The following GPC5 variants were observed in gnomAD, a reference collection of about 807,000 sequenced individuals.
GPC5 encodes glypican 5, also known as glypican-5.
In GPC5, 47 loss-of-function variants were observed where a neutral mutation model predicts 53.9. That is an observed-to-expected ratio of 0.87 (90% CI 0.69 to 1.11). GPC5 has a LOEUF of 1.11. Ranked by LOEUF, GPC5 falls within the 50% of genes most tolerant of loss-of-function variation. The pLI is 0.00. For synonymous variants in GPC5, 286 were observed against 263.3 expected, an observed-to-expected ratio of 1.09 and a Z score of -0.84; for missense variants, 748 against 713.1, an observed-to-expected ratio of 1.05 and a Z score of -0.56.
intron 7 of GPC5, among the ~76,000 whole-genome samples, chr13:92,553,012 T>C (rs1454656441): frequency 6.6e-6 from 1 of 151,938 alleles, no homozygotes; most frequent in Non-Finnish European, 1.5e-5. Flanking sequence ...AATAGATACT[T>C]CCAGTCTATT....
chr13:92,319,140 G>A (rs574086507), intron 7 of GPC5, among the ~76,000 whole-genome samples: 43 of 152,150 alleles, frequency 2.8e-4, no homozygotes, highest in African/African-American at 9.9e-4. Flanking sequence ...TAAACATCCA[G>A]GTTGCTTTGA....
At chr13:92,161,989 A>ATATATATATATG (rs1566463109) in intron 7 of GPC5, among the ~76,000 whole-genome samples, 2 of 121,588 alleles carry the variant, frequency 1.6e-5, no homozygotes, top group Non-Finnish European at 3.4e-5. Context: ...ATATATATAT[A>ATATATATATATG]TATATATGAA....
At chr13:92,615,907 A>T (rs1884670844) in intron 7 of GPC5, among the ~76,000 whole-genome samples, 1 of 152,154 alleles carries the variant, frequency 6.6e-6, no homozygotes. Flanking sequence ...CAAAAAAATT[A>T]GCCGGGCATA....
rs774963542 is a variant in GPC5 at position 92,286,301 on chromosome 13, G to A, written c.1561+141312G>A. On this transcript the variant is annotated intron_variant, in intron 7 of 7. Transcript: ENST00000377067. Reference sequence around the variant, plus strand: ...ACACTGTTGGTGGGATTGTAAACTAGTTCAACCATTGTGGAAGACAGTGTG... The same window carrying A: ...ACACTGTTGGTGGGATTGTAAACTAATTCAACCATTGTGGAAGACAGTGTG... 2.6e-5 allele frequency among the ~76,000 whole-genome samples: 4 copies of A among 152,180 alleles called. No individual in the cohort carries two copies. The East Asian group carries it at 7.7e-4, about 29-fold the overall frequency.
intron 6 of GPC5, among the ~76,000 whole-genome samples, chr13:91,985,370 A>ATT (rs60884117): frequency 0.45 from 63,760 of 142,548 alleles, 16,021 homozygotes; most frequent in East Asian, 0.74. Flanking sequence ...TAAAATCAGC[A>ATT]TTTTTTTTTT....
chr13:92,236,413 C>G (rs1227016976), intron 7 of GPC5, among the ~76,000 whole-genome samples: 1 of 151,832 alleles, frequency 6.6e-6, no homozygotes, highest in Admixed American at 6.6e-5. Context: ...AATTTTTATA[C>G]CTTCTGTTTA....
intron 2 of GPC5, among the ~76,000 whole-genome samples, chr13:91,569,518 A>G (rs2031687987): frequency 6.6e-6 from 1 of 152,102 alleles, no homozygotes; most frequent in Non-Finnish European, 1.5e-5. Context: ...CCCTAGCCTC[A>G]ACAATTTTGC....
intron 5 of GPC5, among the ~76,000 whole-genome samples, chr13:91,817,860 T>C (rs1458707725): frequency 1.3e-5 from 2 of 152,188 alleles, no homozygotes; most frequent in East Asian, 3.9e-4. Flanking sequence ...CATTTCTTTG[T>C]GATTAGCTTT....
chr13:91,524,733 C>T (rs80107027), intron 2 of GPC5, among the ~76,000 whole-genome samples: 1 of 152,154 alleles, frequency 6.6e-6, no homozygotes, highest in Non-Finnish European at 1.5e-5. Flanking sequence ...CTGAGGGCCA[C>T]TCTCAGGTTA....
At chr13:92,159,593 C>CTT (rs71120074) in intron 7 of GPC5, among the ~76,000 whole-genome samples, 1,963 of 57,160 alleles carry the variant, frequency 0.034, 494 homozygotes, top group South Asian at 0.038. Context: ...TACCAATGTT[C>CTT]TTTTTTTTTT....
intron 7 of GPC5, among the ~76,000 whole-genome samples, chr13:92,196,688 T>C (rs750327635): frequency 4.2e-4 from 64 of 152,208 alleles, no homozygotes; most frequent in Non-Finnish European, 7.3e-4. Flanking sequence ...GTTTTCTGCT[T>C]TCTAACATGC....
At chr13:91,464,500 A>G (rs1361469422) in intron 2 of GPC5, among the ~76,000 whole-genome samples, 2 of 152,192 alleles carry the variant, frequency 1.3e-5, no homozygotes, top group Non-Finnish European at 2.9e-5. Flanking sequence ...GGATAAACAA[A>G]TTGTGTTATG....
At chr13:92,734,567 A>T (rs1189919862) in intron 7 of GPC5, among the ~76,000 whole-genome samples, 1 of 151,954 alleles carries the variant, frequency 6.6e-6, no homozygotes, top group African/African-American at 2.4e-5. Flanking sequence ...TTTTATTTGC[A>T]GAAGTATATT....
chr13:92,642,440 G>A (rs1037023527), intron 7 of GPC5, among the ~76,000 whole-genome samples: 3 of 152,098 alleles, frequency 2.0e-5, no homozygotes, highest in Admixed American at 6.5e-5. Context: ...GTGTTCCCTC[G>A]ACTCTTCTTC....
At chr13:91,482,878 T>C (rs77284999) in intron 2 of GPC5, among the ~76,000 whole-genome samples, 25 of 150,522 alleles carry the variant, frequency 1.7e-4, no homozygotes, top group Non-Finnish European at 3.5e-4. Flanking sequence ...TTTTTTTTTT[T>C]GCCATATCCA....
intron 7 of GPC5, among the ~76,000 whole-genome samples, chr13:92,473,281 T>C (rs1489176374): frequency 2.0e-5 from 3 of 152,100 alleles, no homozygotes; most frequent in Non-Finnish European, 4.4e-5. Context: ...ATACAGACTT[T>C]GAGTTTTGTG....
rs1051210676 is a variant in GPC5, at chr13:92,691,923, C to T, written c.1562-174359C>T. ...AGTGGGTACATATACAGGTTTTTTACATGGGATACTGCTTGATGCTGAGGT... is the reference window on the plus strand; with the variant it reads ...AGTGGGTACATATACAGGTTTTTTATATGGGATACTGCTTGATGCTGAGGT... On this transcript the variant is annotated intron_variant, in intron 7 of 7. Transcript: ENST00000377067. Among the ~76,000 whole-genome samples the T allele has an allele frequency of 2.0e-5, 3 of 152,206 alleles. No individual in the cohort carries two copies. In the East Asian group the frequency reaches 5.8e-4, roughly 29 times the overall value.
intron 2 of GPC5, among the ~76,000 whole-genome samples, chr13:91,492,453 T>G (rs4299019): frequency 0.04 from 6,147 of 152,222 alleles, 387 homozygotes; most frequent in African/African-American, 0.14. Flanking sequence ...GGCCACAGTC[T>G]AAGTCCTGGT....
At chr13:92,131,278 T>A (rs2041740852) in intron 6 of GPC5, among the ~76,000 whole-genome samples, 1 of 152,016 alleles carries the variant, frequency 6.6e-6, no homozygotes, top group Admixed American at 6.5e-5. Flanking sequence ...TTTGGCGATA[T>A]CTACTAAAGT....
Sources: allele counts gnomAD v4.1 joint callset (sites outside exome capture counted in the v4.1 genomes callset), GRCh38; gene constraint gnomAD v4.1.1; transcripts MANE v1.5; gene names NCBI Gene and HGNC (gene_info 2026-07-23, HGNC 2026-07-21).